The following PCDH11X variants were observed in gnomAD, a reference collection of about 807,000 sequenced individuals.
PCDH11X encodes protocadherin-11 X-linked.
PCDH11X carries 18 observed loss-of-function variants against 53.3 expected under a neutral mutation model. That is an observed-to-expected ratio of 0.34 (90% CI 0.23 to 0.50). PCDH11X has a LOEUF of 0.50. Among genes scored for constraint, PCDH11X ranks in the 20% least tolerant of loss-of-function variants. The probability of loss-of-function intolerance (pLI) is 0.98; values close to 1 mark genes in which losing one functional copy is unlikely to be tolerated. For synonymous variants in PCDH11X, 279 were observed against 393.3 expected, an observed-to-expected ratio of 0.71 and a Z score of 3.44; for missense variants, 570 against 1,032.4, an observed-to-expected ratio of 0.55 and a Z score of 6.14.
At chrX:92,415,822 G>A (rs1052901321) in intron 9 of PCDH11X, among the ~76,000 whole-genome samples, 37 of 111,577 alleles carry the variant, frequency 3.3e-4, no homozygotes, top group Non-Finnish European at 7.0e-4. Flanking sequence ...TAACTACCAG[G>A]TGAACTGGCA....
chrX:91,953,360 A>G (rs1017909468), intron 6 of PCDH11X, among the ~76,000 whole-genome samples: 9 of 110,860 alleles, frequency 8.1e-5, no homozygotes, highest in Admixed American at 3.9e-4. Flanking sequence ...AAAATTAAAA[A>G]GAGAAACTAA....
At chrX:92,188,587 G>A (rs964200248) in intron 6 of PCDH11X, among the ~76,000 whole-genome samples, 1 of 111,586 alleles carries the variant, frequency 9.0e-6, no homozygotes, top group African/African-American at 3.3e-5. Context: ...ATATTGCATA[G>A]GAGGAGGGCA....
intron 8 of PCDH11X, among the ~76,000 whole-genome samples, chrX:92,317,535 C>A (rs1250562761): frequency 9.0e-6 from 1 of 111,476 alleles, no homozygotes; most frequent in African/African-American, 3.3e-5. Context: ...ATAATACTTT[C>A]CAGTGGTACG....
chrX:92,565,437 G>A (rs777477700), intron 10 of PCDH11X, among the ~76,000 whole-genome samples: 2 of 102,992 alleles, frequency 1.9e-5, no homozygotes, highest in South Asian at 4.4e-4. Flanking sequence ...TATACACAAT[G>A]AAGTACTATT....
chrX:92,390,370 C>CGT (rs60286215), intron 9 of PCDH11X, among the ~76,000 whole-genome samples: 13,627 of 93,339 alleles, frequency 0.15, 1,010 homozygotes, highest in Non-Finnish European at 0.2. Flanking sequence ...TAACATAGTA[C>CGT]GTGTGTGTGT....
chrX:91,858,638 C>T (rs958337675), intron 5 of PCDH11X, among the ~76,000 whole-genome samples: 1 of 108,111 alleles, frequency 9.2e-6, no homozygotes, highest in Non-Finnish European at 1.9e-5. Context: ...GCCGGATACC[C>T]TAAATCATCT....
In PCDH11X at chrX:92,585,465, G is replaced by A. The variant is rs1393802803; in HGVS notation, c.3368-32799G>A. On this transcript the variant is annotated intron_variant, in intron 10 of 10. Coordinates refer to ENST00000682573, the MANE Select transcript of PCDH11X (RefSeq NM_032968.5). ...CGGCTCACTGCAAGCTCCGCCTCCC[G>A]GGTTCATGCCATTCTCCTGCCTCAG... 3.8e-5 allele frequency among the ~76,000 whole-genome samples: 4 copies of A among 104,375 alleles called. No homozygotes were observed. In the Admixed American group the frequency reaches 4.2e-4, roughly 11 times the overall value. 90.6% of individuals were successfully genotyped at this position (104,375 alleles called of 115,157 possible). A position where few individuals can be genotyped will look rare whatever the true frequency, so the allele number is the denominator to read the frequency against.
At chrX:92,258,102 G>A (rs987058703) in intron 7 of PCDH11X, among the ~76,000 whole-genome samples, 1 of 111,416 alleles carries the variant, frequency 9.0e-6, no homozygotes, top group Admixed American at 9.5e-5. Flanking sequence ...AACCATGAAG[G>A]TTTATGTCTT....
rs1323576744 is a variant in PCDH11X, at chrX:92,336,611, C to T, written c.3145-51124C>T. On this transcript the variant is annotated intron_variant, in intron 8 of 10. Transcript: ENST00000682573. ...GGCATTTTTGATTAAGCTGTGAATC[C>T]ATTGATTTTTGCCACATATGCTGTA... Among the ~76,000 whole-genome samples, 3 of 110,876 alleles carry T rather than the reference C, an allele frequency of 2.7e-5. No individual in the cohort carries two copies. The East Asian group carries it at 8.5e-4, about 31-fold the overall frequency.
chrX:92,115,601 G>A (rs951314116), intron 6 of PCDH11X, among the ~76,000 whole-genome samples: 7 of 110,585 alleles, frequency 6.3e-5, no homozygotes, highest in African/African-American at 1.6e-4. Context: ...CCAAAACCTC[G>A]AAAGTAGGGA....
Position 92,201,392 on chromosome X carries a change from G to A in PCDH11X, c.3051G>A (p.Val1017=), listed in dbSNP as rs907112894. The A allele has an allele frequency of 8.3e-7, 1 of 1,203,225 alleles. No individual in the cohort carries two copies. Among genetic ancestry groups the A allele is most frequent in the Non-Finnish European group, 1.1e-6 (1 of 890,432 alleles). ...TTCTAAAGCCAATGAAGGAGGTTGT[G>A]CGATCTTGCACCCCCATGAAAGAGT... ...VHTRPPMKEV[V]RSCTPMKEST... is the part of the protein sequence containing the mutation. The change falls in exon 7 of 11, where the codon GTG becomes GTA. Residue 1017 remains valine, a synonymous_variant. Coordinates refer to ENST00000682573, the MANE Select transcript of PCDH11X (RefSeq NM_032968.5).
intron 9 of PCDH11X, chrX:92,460,341 G>A (rs750282911): frequency 1.6e-5 from 15 of 918,213 alleles, no homozygotes; most frequent in Non-Finnish European, 2.3e-5. Flanking sequence ...TACAAGCCCA[G>A]ATTGCCAGCT....
intron 6 of PCDH11X, among the ~76,000 whole-genome samples, chrX:91,892,704 A>ATTT (rs35310035): frequency 2.0e-5 from 2 of 100,421 alleles, no homozygotes; most frequent in South Asian, 4.5e-4. Context: ...ACAAGAACAC[A>ATTT]TTTTTTTTTT....
intron 7 of PCDH11X, among the ~76,000 whole-genome samples, chrX:92,214,424 T>G (rs2066649389): frequency 1.8e-5 from 2 of 112,197 alleles, no homozygotes; most frequent in South Asian, 3.7e-4. Context: ...AGTGATTATC[T>G]CATTAACTGT....
At chrX:92,274,206 A>T (rs962174531) in intron 8 of PCDH11X, among the ~76,000 whole-genome samples, 105 of 109,368 alleles carry the variant, frequency 9.6e-4, no homozygotes, top group African/African-American at 3.4e-3. Flanking sequence ...CTGAATTCTG[A>T]GAAGCGAAAG....
At chrX:92,570,681 G>C (rs1922098522) in intron 10 of PCDH11X, among the ~76,000 whole-genome samples, 1 of 100,351 alleles carries the variant, frequency 1.0e-5, no homozygotes, top group Admixed American at 1.1e-4. Flanking sequence ...CCTACCCCAG[G>C]GTACTCCAGC....
At position 92,289,773 on chromosome X, in the gene PCDH11X, T is replaced by G. The variant is rs188770180; in HGVS notation, c.3144+26630T>G. Among the ~76,000 whole-genome samples, 10 of 110,864 alleles carry G rather than the reference T, an allele frequency of 9.0e-5. 1 individual carries two copies. The highest frequency in any genetic ancestry group is 3.3e-4 in the African/African-American group (10 of 30,202). ...AACAATATTGCCTAAAAGCATAATT[T>G]ATTACACAGACAACTATTTACTTTT... On this transcript the variant is annotated intron_variant, in intron 8 of 10. Coordinates refer to ENST00000682573, the MANE Select transcript of PCDH11X (RefSeq NM_032968.5).
intron 10 of PCDH11X, among the ~76,000 whole-genome samples, chrX:92,471,406 T>C (rs1482981106): frequency 3.9e-5 from 4 of 102,613 alleles, no homozygotes; most frequent in African/African-American, 1.4e-4. Flanking sequence ...ATAATGGCCT[T>C]AGGCTCAATT....
chrX:91,828,408 C>T (rs928977812), intron 4 of PCDH11X, among the ~76,000 whole-genome samples: 5 of 111,536 alleles, frequency 4.5e-5, no homozygotes, highest in African/African-American at 1.6e-4. Context: ...TTTTTCTACT[C>T]TAAGTGTATC....
Sources: gnomAD v4.1 joint callset for allele counts (sites outside exome capture counted in the v4.1 genomes callset) on GRCh38, gnomAD v4.1.1 for gene constraint, MANE v1.5 for transcripts, NCBI Gene and HGNC (gene_info 2026-07-23, HGNC 2026-07-21) for gene names.